DNAAF10: variants seen among roughly 807,000 people sequenced by gnomAD.
DNAAF10 encodes the protein WD repeat domain 92.
A neutral mutation model predicts 43.7 loss-of-function variants in DNAAF10; 28 were observed. The observed-to-expected ratio is 0.64, with a 90% confidence interval of 0.48 to 0.88. The LOEUF is 0.88. DNAAF10 is among the 40% of genes least tolerant of loss of function. The pLI, the probability that DNAAF10 is intolerant of heterozygous loss-of-function variation, is 0.00. For synonymous variants in DNAAF10, 156 were observed against 157.3 expected, an observed-to-expected ratio of 0.99 and a Z score of 0.06; for missense variants, 403 against 439.1, an observed-to-expected ratio of 0.92 and a Z score of 0.73.
intron 5 of DNAAF10, among the ~76,000 whole-genome samples, chr2:68,138,332 G>GA (rs1673095720): frequency 6.6e-6 from 1 of 152,110 alleles, no homozygotes; most frequent in African/African-American, 2.4e-5. Context: ...GCTAACAGTA[G>GA]AAAACAGGAG....
At chr2:68,151,820 T>C (rs920288624) in intron 1 of DNAAF10, among the ~76,000 whole-genome samples, 1 of 152,232 alleles carries the variant, frequency 6.6e-6, no homozygotes, top group Non-Finnish European at 1.5e-5. Flanking sequence ...AGATACATTT[T>C]AGATATTCTT....
chr2:68,144,572 T>TA lies in DNAAF10; in HGVS notation c.415+12dup. On this transcript the variant is annotated intron_variant, in intron 3 of 7. Coordinates refer to ENST00000295121, the MANE Select transcript of DNAAF10 (RefSeq NM_138458.4). The stretch of plus-strand genomic sequence containing the variant: ...AAATAAATAAACAAAATACATAGAA[T>TA]ACAGGGACTCACCATCTCGGCTGCC... 6.2e-7 allele frequency: 1 copy of TA among 1,613,342 alleles called. No homozygotes were observed. The highest frequency in any genetic ancestry group is 8.5e-7 in the Non-Finnish European group (1 of 1,179,830).
intron 1 of DNAAF10, among the ~76,000 whole-genome samples, chr2:68,155,119 G>A (rs1055238558): frequency 6.6e-6 from 1 of 150,458 alleles, no homozygotes; most frequent in African/African-American, 2.5e-5. Flanking sequence ...TCCTGCCACT[G>A]CACTCCATCG....
rs78220301 is a variant in DNAAF10, at chr2:68,144,567, T to C, written c.415+18A>G. 1,598 of 1,608,060 alleles carry C rather than the reference T, an allele frequency of 9.9e-4. 8 individuals carry two copies. The highest frequency in any genetic ancestry group is 1.1e-3 in the Non-Finnish European group (1,339 of 1,178,760). On this transcript the variant is annotated intron_variant, in intron 3 of 7. Coordinates refer to ENST00000295121, the MANE Select transcript of DNAAF10 (RefSeq NM_138458.4). ...CATTAAAATAAATAAACAAAATACA[T>C]AGAATACAGGGACTCACCATCTCGG...
chr2:68,141,653 C>T (rs1444002455), intron 4 of DNAAF10, 41 bp downstream of exon 4: 1 of 1,577,526 alleles, frequency 6.3e-7, no homozygotes, highest in South Asian at 1.1e-5. Context: ...GTGCTTTTTA[C>T]CATCTGATAA....
intron 1 of DNAAF10, among the ~76,000 whole-genome samples, chr2:68,151,220 T>C (rs930462886): frequency 1.1e-4 from 17 of 152,204 alleles, no homozygotes; most frequent in African/African-American, 4.1e-4. Context: ...TGTGACTTCA[T>C]TTCCTGTTTC....
chr2:68,140,065 G>A (rs1673139944), intron 4 of DNAAF10, among the ~76,000 whole-genome samples: 1 of 152,152 alleles, frequency 6.6e-6, no homozygotes, highest in Non-Finnish European at 1.5e-5. Context: ...TAGTGTGGAT[G>A]ATCATACCTG....
At chr2:68,137,174 G>A in intron 6 of DNAAF10, 125 bp downstream of exon 6, 1 of 1,124,908 alleles carries the variant, frequency 8.9e-7, no homozygotes, top group African/African-American at 1.6e-5. Context: ...AGATCTCACA[G>A]GAATATATCA....
intron 5 of DNAAF10, 56 bp from the exon 6 acceptor site, chr2:68,137,489 C>G (rs1393142694): frequency 3.4e-6 from 5 of 1,459,454 alleles, no homozygotes; most frequent in African/African-American, 1.4e-5. Context: ...TCAGGAGGCT[C>G]TTTTATACTA....
intron 3 of DNAAF10, 53 bp downstream of exon 3, chr2:68,144,532 T>C (rs972326507): frequency 3.3e-5 from 52 of 1,598,990 alleles, no homozygotes; most frequent in Middle Eastern, 1.7e-4. Context: ...TACTGCTGCA[T>C]AGAGATTTCC....
chr2:68,152,555 A>G (rs1673483718), intron 1 of DNAAF10, among the ~76,000 whole-genome samples: 1 of 152,190 alleles, frequency 6.6e-6, no homozygotes. Context: ...TAGATAGTTT[A>G]TCTACAGAAA....
rs72892414 is a variant in DNAAF10, at chr2:68,144,913, C to T, written c.285-198G>A. On this transcript the variant is annotated intron_variant, in intron 2 of 7. Transcript: ENST00000295121. ...CTTTCAAGCCCCCATTGAGAACTGT[C>T]ATCATTCAACTTGAAATTCCAATCC... Among the ~76,000 whole-genome samples the T allele has an allele frequency of 3.5e-3, 539 of 152,252 alleles. 1 individual carries two copies. The highest frequency in any genetic ancestry group is 0.013 in the African/African-American group (521 of 41,554).
At chr2:68,144,511 C>G in intron 3 of DNAAF10, 74 bp downstream of exon 3, 1 of 1,562,640 alleles carries the variant, frequency 6.4e-7, no homozygotes, top group Non-Finnish European at 8.6e-7. Context: ...ATTTTTTACT[C>G]AGAGAGGATG....
At chr2:68,144,848 C>T in intron 2 of DNAAF10, 133 bp from the exon 3 acceptor site, 3 of 1,186,908 alleles carry the variant, frequency 2.5e-6, no homozygotes, top group South Asian at 1.7e-5. Context: ...ATAGTTTATA[C>T]ATTTATTTAC....
At position 68,141,872 on chromosome 2, in the gene DNAAF10, G is replaced by GC; in HGVS notation, c.416-78dup. The GC allele has an allele frequency of 2.5e-6, 3 of 1,220,334 alleles. No individual in the cohort carries two copies. In the East Asian group the frequency reaches 7.0e-5, roughly 28 times the overall value. The allele number at this position is 1,220,334 out of a possible 1,614,324, so 75.6% of individuals were successfully genotyped here. A position where few individuals can be genotyped will look rare whatever the true frequency, so the allele number is the denominator to read the frequency against. On this transcript the variant is annotated intron_variant, in intron 3 of 7. Coordinates refer to ENST00000295121, the MANE Select transcript of DNAAF10 (RefSeq NM_138458.4). Reference sequence around the variant, plus strand: ...TTCTTTTCTACATTCTTCTTCTATGGCTTCCTGTGTACATGGCAATATGAC... The same window carrying GC: ...TTCTTTTCTACATTCTTCTTCTATGGCCTTCCTGTGTACATGGCAATATGAC...
chr2:68,144,455 T>G (rs987479704), intron 3 of DNAAF10, 130 bp downstream of exon 3: 1 of 1,197,642 alleles, frequency 8.3e-7, no homozygotes, highest in African/African-American at 1.6e-5. Flanking sequence ...GTTAAAAAAG[T>G]AGCAGCAAGA....
rs1163446921 is a variant in DNAAF10 at position 68,157,321 on chromosome 2, C to G, written c.123G>C (p.Arg41=). 1.9e-6 allele frequency: 3 copies of G among 1,614,044 alleles called. No individual in the cohort carries two copies. The highest frequency in any genetic ancestry group is 2.5e-6 in the Non-Finnish European group (3 of 1,180,040). Residue 41 remains arginine, a synonymous_variant, in exon 1 of 8, where the codon CGG becomes CGC. Transcript: ENST00000295121. The part of the protein sequence containing the change: ...AKFVTMGNFA[R]GTGVIQLYEI... ...CGTACAGCTGAATGACGCCGGTGCC[C>G]CGTGCGAAGTTGCCCATGGTCACAA...
intron 7 of DNAAF10, among the ~76,000 whole-genome samples, chr2:68,133,550 C>T (rs1382337397): frequency 1.3e-5 from 2 of 151,986 alleles, no homozygotes; most frequent in Non-Finnish European, 1.5e-5. Flanking sequence ...GTCAGGAGTT[C>T]GAGATCAGCC....
At position 68,131,349 on chromosome 2, in the gene DNAAF10, G is replaced by A; in HGVS notation, c.963C>T (p.Thr321=). ...VSLLQNVTLS[T]QPISSLDWSP... ...TCCAATCCAAACTTGAAATGGGCTG[G>A]GTGGACAACGTAACATTCTGCAGAA... is the stretch of plus-strand genomic sequence containing the variant. Residue 321 remains threonine, a synonymous_variant, in exon 8 of 8, where the codon ACC becomes ACT. Transcript: ENST00000295121. 6.2e-7 allele frequency: 1 copy of A among 1,614,112 alleles called. No individual in the cohort carries two copies.
Sources: gnomAD v4.1 joint callset for allele counts (sites outside exome capture counted in the v4.1 genomes callset) on GRCh38, gnomAD v4.1.1 for gene constraint, MANE v1.5 for transcripts, NCBI Gene and HGNC (gene_info 2026-07-23, HGNC 2026-07-21) for gene names.